The following DUOX1 variants were observed in gnomAD, a reference collection of about 807,000 sequenced individuals.
DUOX1 encodes the protein NADPH thyroid oxidase 1.
A neutral mutation model predicts 181.8 loss-of-function variants in DUOX1; 134 were observed. The observed-to-expected ratio is 0.74, with a 90% CI of 0.64 to 0.85. The LOEUF (loss-of-function observed/expected upper bound fraction) is 0.85. Ranked by LOEUF, DUOX1 falls within the 40% of genes least tolerant of loss-of-function variation. The probability of loss-of-function intolerance (pLI) is 0.00; values close to 1 mark genes in which losing one functional copy is unlikely to be tolerated. For synonymous variants in DUOX1, 798 were observed against 832.5 expected, an observed-to-expected ratio of 0.96 and a Z score of 0.71; for missense variants, 1,814 against 2,064.4, an observed-to-expected ratio of 0.88 and a Z score of 2.35.
chr15:45,139,179 G>A lies in DUOX1; in HGVS notation c.1216+11G>A, dbSNP rs1220963385. On this transcript the variant is annotated intron_variant, in intron 11 of 33. Coordinates refer to ENST00000389037, the MANE Select transcript of DUOX1 (RefSeq NM_175940.3). ...TTGAAGATGTGCGGGGTGAGTCTGA[G>A]GCTGTCCCTGCAGGTTGTGAACTCC... 2 of 1,614,014 alleles carry A rather than the reference G, an allele frequency of 1.2e-6. No homozygotes were observed. Among genetic ancestry groups the A allele is most frequent in the Non-Finnish European group, 1.7e-6 (2 of 1,180,034 alleles).
intron 19 of DUOX1, 77 bp downstream of exon 19, chr15:45,147,735 C>G: frequency 6.3e-7 from 1 of 1,595,620 alleles, no homozygotes; most frequent in Non-Finnish European, 8.6e-7. Flanking sequence ...GGGACCAGGT[C>G]TCCAGCCATG....
Position 45,145,190 on chromosome 15 carries a change from T to A in DUOX1, c.2322+110T>A, listed in dbSNP as rs1896618854. On this transcript the variant is annotated intron_variant, in intron 18 of 33. Coordinates refer to ENST00000389037, the MANE Select transcript of DUOX1 (RefSeq NM_175940.3). Reference sequence around the variant, plus strand: ...AAAGCCCAGAGTTCTCAGCTAATAATCAAGTCTATTGCAATTTTGGATGAA... The same window carrying A: ...AAAGCCCAGAGTTCTCAGCTAATAAACAAGTCTATTGCAATTTTGGATGAA... 4.7e-6 allele frequency: 5 copies of A among 1,067,476 alleles called. No individual in the cohort carries two copies. In the South Asian group the frequency reaches 1.1e-4, roughly 23 times the overall value. The allele number at this position is 1,067,476 out of a possible 1,614,324, so 66.1% of individuals were successfully genotyped here.
chr15:45,148,558 G>C, intron 21 of DUOX1, 111 bp downstream of exon 21: 1 of 1,229,434 alleles, frequency 8.1e-7, no homozygotes, highest in East Asian at 2.6e-5. Flanking sequence ...AAAATCAGAA[G>C]AAAAAAATGA....
At chr15:45,140,719 C>A in intron 12 of DUOX1, 176 bp from the exon 13 acceptor site, 1 of 573,094 alleles carries the variant, frequency 1.7e-6, no homozygotes, top group Non-Finnish European at 3.0e-6. Context: ...AAATGGAGTT[C>A]ACTTATGTAA....
chr15:45,149,115 G>A (rs950371653), intron 21 of DUOX1, among the ~76,000 whole-genome samples: 2 of 152,122 alleles, frequency 1.3e-5, no homozygotes, highest in East Asian at 3.9e-4. Context: ...CCTGCTCTGA[G>A]CTGTTATGGT....
At chr15:45,163,092 G>A (rs933907778) in intron 31 of DUOX1, among the ~76,000 whole-genome samples, 6 of 152,166 alleles carry the variant, frequency 3.9e-5, no homozygotes, top group African/African-American at 1.2e-4. Flanking sequence ...AGGGCTCCCC[G>A]CAGGGCAGCT....
At position 45,160,784 on chromosome 15, in the gene DUOX1, G is replaced by C; in HGVS notation, c.3703-53G>C. 5 of 1,553,310 alleles carry C rather than the reference G, an allele frequency of 3.2e-6. No homozygotes were observed. In the African/African-American group the frequency reaches 4.1e-5, roughly 13 times the overall value. ...AGGGTCTAAGGCCTGAGCTGGCCCT[G>C]TATTCTGCTATGGGCATCGCTAGGT... On this transcript the variant is annotated intron_variant, in intron 28 of 33. Coordinates refer to ENST00000389037, the MANE Select transcript of DUOX1 (RefSeq NM_175940.3).
At chr15:45,161,433 A>G (rs1207093504) in intron 29 of DUOX1, among the ~76,000 whole-genome samples, 5 of 129,930 alleles carry the variant, frequency 3.8e-5, no homozygotes, top group African/African-American at 1.1e-4. Flanking sequence ...AAAAAAAAAA[A>G]AAAAAAAGGA....
intron 28 of DUOX1, among the ~76,000 whole-genome samples, chr15:45,156,537 A>G (rs1896974018): frequency 1.3e-5 from 2 of 152,096 alleles, no homozygotes; most frequent in East Asian, 1.9e-4. Context: ...GGTTCAAGCA[A>G]TTCTCCTGTC....
Position 45,155,941 on chromosome 15 carries a change from T to TG in DUOX1, c.3702+14dup, listed in dbSNP as rs757592948. 3.7e-6 allele frequency: 6 copies of TG among 1,614,178 alleles called. No homozygotes were observed. In the African/African-American group the frequency reaches 8.0e-5, roughly 22 times the overall value. On this transcript the variant is annotated intron_variant, in intron 28 of 33. Transcript: ENST00000389037. ...TGCTCTATGTCCTGGTGAGGGCTTT[T>TG]GGCTGTGAGCCAGGCCAGGAGGGTA...
intron 5 of DUOX1, 28 bp from the exon 6 acceptor site, chr15:45,135,446 C>A (rs1171692937): frequency 1.3e-6 from 2 of 1,541,674 alleles, no homozygotes; most frequent in East Asian, 2.5e-5. Context: ...GCCCATCGAC[C>A]CGGGCTCACC....
chr15:45,149,667 A>G (rs1440626048), intron 21 of DUOX1, among the ~76,000 whole-genome samples: 2 of 152,140 alleles, frequency 1.3e-5, no homozygotes, highest in African/African-American at 4.8e-5. Context: ...TGGCCAACAT[A>G]GAGAAACCCC....
chr15:45,141,788 T>G (rs1896500196), intron 14 of DUOX1, 187 bp from the exon 15 acceptor site: 1 of 602,678 alleles, frequency 1.7e-6, no homozygotes. Flanking sequence ...GTGTGTACAC[T>G]TCTGTGTGTG....
At chr15:45,147,792 C>T in intron 19 of DUOX1, 112 bp from the exon 20 acceptor site, 2 of 1,523,858 alleles carry the variant, frequency 1.3e-6, no homozygotes, top group Admixed American at 3.4e-5. Flanking sequence ...GCAGAGCGAC[C>T]CTTGCTGTGT....
chr15:45,150,567 G>A (rs1896773580), intron 21 of DUOX1, 65 bp from the exon 22 acceptor site: 8 of 1,497,002 alleles, frequency 5.3e-6, no homozygotes, highest in Non-Finnish European at 7.4e-6. Flanking sequence ...AGTGCTGTGC[G>A]TTTGAGCCAG....
intron 17 of DUOX1, among the ~76,000 whole-genome samples, chr15:45,144,484 C>A (rs1177823806): frequency 6.6e-6 from 1 of 152,220 alleles, no homozygotes; most frequent in East Asian, 1.9e-4. Flanking sequence ...CTGCCTCCTC[C>A]TTTTCTAAGG....
chr15:45,145,479 T>C (rs2467825), intron 18 of DUOX1, among the ~76,000 whole-genome samples: 97,156 of 152,036 alleles, frequency 0.64, 32,278 homozygotes, highest in Non-Finnish European at 0.74. Flanking sequence ...CCATGGGGCA[T>C]TGATGTCCAC....
At chr15:45,150,730 G>A (rs368530237) in intron 22 of DUOX1, 29 bp downstream of exon 22, 2 of 1,610,424 alleles carry the variant, frequency 1.2e-6, no homozygotes, top group Non-Finnish European at 1.7e-6. Flanking sequence ...ATGTCGGGGG[G>A]AGGAGTTGGG....
rs756628409 is a variant in DUOX1 at position 45,135,311 on chromosome 15, G to A, written c.495+20G>A. The A allele has an allele frequency of 3.0e-5, 47 of 1,582,168 alleles. No individual in the cohort carries two copies. The highest frequency in any genetic ancestry group is 3.5e-5 in the Non-Finnish European group (41 of 1,165,436). ...GACCCGGTGAGGCGGGGAAGGCGGC[G>A]GGAAGGGACCGCACCCCAGCCAGGT... On this transcript the variant is annotated intron_variant, in intron 5 of 33. Transcript: ENST00000389037.
Sources: gnomAD v4.1 joint callset for allele counts (sites outside exome capture counted in the v4.1 genomes callset) on GRCh38, gnomAD v4.1.1 for gene constraint, MANE v1.5 for transcripts, NCBI Gene and HGNC (gene_info 2026-07-23, HGNC 2026-07-21) for gene names.